HDAC7: variants seen among roughly 807,000 people sequenced by gnomAD.
HDAC7 encodes histone deacetylase 7, also known as histone deacetylase 7A.
A neutral mutation model predicts 115.5 loss-of-function variants in HDAC7; 26 were observed. That is an observed-to-expected ratio of 0.23 (90% confidence interval 0.16 to 0.31). The LOEUF (loss-of-function observed/expected upper bound fraction) is 0.31. Among genes scored for constraint, HDAC7 ranks in the 10% least tolerant of loss-of-function variants. The pLI is 1.00. For synonymous variants in HDAC7, 564 were observed against 550.9 expected (o/e 1.02, Z -0.33); for missense variants, 1,068 against 1,329.0 (o/e 0.80, Z 3.05).
intron 13 of HDAC7, 24 bp from the exon 14 acceptor site, chr12:47,792,028 G>T: frequency 1.3e-6 from 2 of 1,583,670 alleles, no homozygotes; most frequent in Non-Finnish European, 8.6e-7. Flanking sequence ...GGTCAGAGCG[G>T]GGACCCAGGG....
rs1257686226 is a variant in HDAC7, at chr12:47,802,280, G to T, written c.20-6C>A. 1.9e-6 allele frequency: 3 copies of T among 1,611,838 alleles called. No homozygotes were observed. The African/African-American group carries it at 4.0e-5, about 22-fold the overall frequency. ...CGGGCTCACCTGGGTCCCATCTGTA[G>T]AGAGAGAGACGGAGTGAAAGAGCTG... is the stretch of plus-strand genomic sequence containing the variant. On this transcript the variant is annotated splice_region_variant and splice_polypyrimidine_tract_variant and intron_variant, in intron 1 of 25. Transcript: ENST00000080059.
At position 47,793,531 on chromosome 12, in the gene HDAC7, C is replaced by A. The variant is rs922354026; in HGVS notation, c.1516G>T (p.Asp506Tyr). 1 of 1,548,008 alleles carries A rather than the reference C, an allele frequency of 6.5e-7. No homozygotes were observed. The highest frequency in any genetic ancestry group is 1.4e-5 in the African/African-American group (1 of 73,170). Residue 506 changes from aspartate (D) to tyrosine (Y), a missense_variant, in exon 13 of 26, where the codon GAC (aspartate) becomes TAC (tyrosine). Around this residue, in one of 6 missense-constraint regions of HDAC7, gnomAD observed 618 missense variants for 701.5 expected, o/e 0.88. Coordinates refer to ENST00000080059, the MANE Select transcript of HDAC7 (RefSeq NM_015401.5). The surrounding 1 kb of genome is among the most constrained non-coding windows in gnomAD (Gnocchi z 4.5). The part of the protein sequence containing the change: ...AGRLPRGSTG[D>Y]TVLLPLAQGG... ...TGGGCCAGAGGAAGCAGCACAGTGT[C>A]CCCGGTGCTGCCCCGGGGGAGCCGC...
intron 1 of HDAC7, among the ~76,000 whole-genome samples, chr12:47,806,459 C>T (rs937689433): frequency 2.0e-5 from 3 of 152,224 alleles, no homozygotes; most frequent in Non-Finnish European, 2.9e-5. Context: ...CTGGCCAAGG[C>T]GGGCAGATTA....
In HDAC7 at chr12:47,797,385, T is replaced by G. The variant is rs1943914737; in HGVS notation, c.576A>C (p.Thr192=). The G allele has an allele frequency of 6.2e-7, 1 of 1,605,980 alleles. No homozygotes were observed. The highest frequency in any genetic ancestry group is 8.5e-7 in the Non-Finnish European group (1 of 1,175,196). Residue 192 remains threonine (T), a splice_region_variant and synonymous_variant, in exon 6 of 26, where the codon ACA becomes ACC. Coordinates refer to ENST00000080059, the MANE Select transcript of HDAC7 (RefSeq NM_015401.5). This position sits in a 1 kb window ranked among gnomAD's most constrained non-coding sequence, Gnocchi z 5.5. ...GGTCCGCCTGTTTGTTCAGCTCACC[T>G]GTCTTGCGCAGAGGGAAGTGCTCTG... ...DPPEHFPLRK[T]VSEPNLKLRY...
chr12:47,804,369 TAGAG>T (rs1944300977), intron 1 of HDAC7, among the ~76,000 whole-genome samples: 1 of 152,036 alleles, frequency 6.6e-6, no homozygotes, highest in Admixed American at 6.6e-5. Flanking sequence ...CTTTGTGTCC[TAGAG>T]AGAGGAAAGG....
chr12:47,797,189 T>C lies in HDAC7; in HGVS notation c.578-47A>G. Reference sequence around the variant, plus strand: ...CTCAGGCCCCCACCACCCTTCTTTTTTCCACCCTTTAACCCCTCAGTCCCA... The same window carrying C: ...CTCAGGCCCCCACCACCCTTCTTTTCTCCACCCTTTAACCCCTCAGTCCCA... On this transcript the variant is annotated intron_variant, in intron 6 of 25. Coordinates refer to ENST00000080059, the MANE Select transcript of HDAC7 (RefSeq NM_015401.5). This position sits in a 1 kb window ranked among gnomAD's most constrained non-coding sequence, Gnocchi z 5.5. 6.4e-7 allele frequency: 1 copy of C among 1,558,584 alleles called. No homozygotes were observed. The highest frequency in any genetic ancestry group is 1.4e-5 in the African/African-American group (1 of 73,218).
At chr12:47,783,969 A>T in intron 25 of HDAC7, 83 bp from the exon 26 acceptor site, 4 of 1,604,368 alleles carry the variant, frequency 2.5e-6, no homozygotes, top group Non-Finnish European at 3.4e-6. Flanking sequence ...AACCCTGGTC[A>T]GGAAGCCTGG....
intron 24 of HDAC7, 182 bp from the exon 25 acceptor site, chr12:47,784,399 C>T (rs1943041216): frequency 3.0e-6 from 2 of 659,988 alleles, no homozygotes; most frequent in Admixed American, 3.0e-5. Flanking sequence ...CCCGCACAGC[C>T]TGACAGGGTA....
intron 1 of HDAC7, among the ~76,000 whole-genome samples, chr12:47,805,562 G>A (rs1350895080): frequency 6.6e-6 from 1 of 152,216 alleles, no homozygotes; most frequent in East Asian, 1.9e-4. Context: ...CATGGGGCTG[G>A]CAGAGAAGAT....
chr12:47,791,603 T>A lies in HDAC7; in HGVS notation c.1916A>T (p.Asp639Val). 1 of 1,610,388 alleles carries A rather than the reference T, an allele frequency of 6.2e-7. No homozygotes were observed. Among genetic ancestry groups the A allele is most frequent in the Non-Finnish European group, 8.5e-7 (1 of 1,178,294 alleles). ...GCCATTACCTGCCAGCTTCCCGTTG[T>A]CCAGTTTGAGGCGGCTGAGCGGGTT... ...GTNPLSRLKLDNGKLAGLLAQ... is the reference protein window; with the variant it reads ...GTNPLSRLKLVNGKLAGLLAQ... The change falls in exon 15 of 26, where the codon GAC (aspartate) becomes GTC (valine). Residue 639 changes from aspartate to valine, a missense_variant. Asp to Val is a radical substitution (Grantham distance 152). Around this residue, in one of 6 missense-constraint regions of HDAC7, gnomAD observed 618 missense variants for 701.5 expected, o/e 0.88. Coordinates refer to ENST00000080059, the MANE Select transcript of HDAC7 (RefSeq NM_015401.5).
At chr12:47,811,205 C>G (rs989343281) in intron 1 of HDAC7, among the ~76,000 whole-genome samples, 2 of 152,224 alleles carry the variant, frequency 1.3e-5, no homozygotes, top group African/African-American at 4.8e-5. Flanking sequence ...TTGCCTATTA[C>G]TTTGGAAGAC....
At chr12:47,791,812 C>A in intron 14 of HDAC7, 59 bp downstream of exon 14, 1 of 1,558,926 alleles carries the variant, frequency 6.4e-7, no homozygotes, top group East Asian at 2.3e-5. Flanking sequence ...CCCCCCACCC[C>A]TCCCCTCCCA....
rs1373869888 is a variant in HDAC7, at chr12:47,788,181, G to A, written c.2236-17C>T. 1.9e-6 allele frequency: 3 copies of A among 1,589,752 alleles called. No individual in the cohort carries two copies. Among genetic ancestry groups the A allele is most frequent in the Non-Finnish European group, 2.6e-6 (3 of 1,167,108 alleles). ...GTGCACGTCCTGTGTAGGGAGACGGGCAGCGATTAGGGAAGGCAGAGAGAT... is the reference window on the plus strand; with the variant it reads ...GTGCACGTCCTGTGTAGGGAGACGGACAGCGATTAGGGAAGGCAGAGAGAT... On this transcript the variant is annotated splice_polypyrimidine_tract_variant and intron_variant, in intron 19 of 25. Transcript: ENST00000080059.
At chr12:47,792,804 A>G (rs1943600587) in intron 13 of HDAC7, 1 of 397,320 alleles carries the variant, frequency 2.5e-6, no homozygotes, top group South Asian at 1.8e-5. Context: ...TGAGACTCTC[A>G]GTTTTAAAGA....
chr12:47,798,843 A>C lies in HDAC7; in HGVS notation c.200T>G (p.Leu67Arg). The change falls in exon 3 of 26, where the codon CTG (leucine) becomes CGG (arginine). Residue 67 changes from leucine to arginine, a missense_variant. Physicochemically the swap from Leu to Arg is moderately radical, Grantham distance 102. Transcript: ENST00000080059. This position sits in a 1 kb window ranked among gnomAD's most constrained non-coding sequence, Gnocchi z 4.3. ...GCCTGCTAGGAAGAGGTGGTGGTGC[A>C]GGCGCTGGGGACGCTGCAGGGCCAG... Reference protein sequence around the residue: ...TLLALQRPQRLHHHLFLAGLQ... With the variant: ...TLLALQRPQRRHHHLFLAGLQ... 6.4e-7 allele frequency: 1 copy of C among 1,559,992 alleles called. No homozygotes were observed. The highest frequency in any genetic ancestry group is 8.7e-7 in the Non-Finnish European group (1 of 1,151,828).
chr12:47,783,288 C>G lies in HDAC7; in HGVS notation c.*553G>C, dbSNP rs1330392756. 6.4e-6 allele frequency: 1 copy of G among 156,054 alleles called. No homozygotes were observed. Among genetic ancestry groups the G allele is most frequent in the East Asian group, 1.9e-4 (1 of 5,314 alleles). The allele number at this position is 156,054 out of a possible 1,614,324, so 9.7% of individuals were successfully genotyped here. On this transcript the variant is annotated 3_prime_UTR_variant, in exon 26 of 26. Transcript: ENST00000080059. ...CTGTCAGGGAGCTTCGTCTCAGTGC[C>G]CAGTGGTAGAGGGAAGCTTCCAGAG...
In HDAC7 at chr12:47,798,892, C is replaced by A; in HGVS notation, c.151G>T (p.Glu51Ter). 6.5e-7 allele frequency: 1 copy of A among 1,537,626 alleles called. No individual in the cohort carries two copies. Among genetic ancestry groups the A allele is most frequent in the Non-Finnish European group, 8.7e-7 (1 of 1,146,014 alleles). Residue 51 changes from glutamate to a stop codon, truncating the protein, a stop_gained, in exon 3 of 26, where the codon GAG becomes TAG. Transcript: ENST00000080059. LOFTEE classifies it high-confidence loss of function. This position sits in a 1 kb window ranked among gnomAD's most constrained non-coding sequence, Gnocchi z 4.3. ...DLRVGQRPPV[E>*]PPPEPTLLAL... ...AGCAATGTGGGCTCTGGTGGGGGCT[C>A]CACTGGGGGCCGCTGGCCCACCCGC...
intron 7 of HDAC7, 145 bp from the exon 8 acceptor site, chr12:47,796,443 A>ATTTTT: frequency 2.3e-6 from 1 of 428,906 alleles, no homozygotes; most frequent in Non-Finnish European, 4.1e-6. Flanking sequence ...TTTTTTTTTG[A>ATTTTT]GACAGAGTCT....
At chr12:47,791,778 C>T in intron 14 of HDAC7, 72 bp from the exon 15 acceptor site, 3 of 1,594,042 alleles carry the variant, frequency 1.9e-6, no homozygotes, top group Non-Finnish European at 2.6e-6. Context: ...CCCATGTGCC[C>T]CTCATCTCTC....
Sources: gnomAD v4.1 joint callset for allele counts (sites outside exome capture counted in the v4.1 genomes callset) on GRCh38, gnomAD v4.1.1 for gene constraint, gnomAD v4.1.1 regional missense constraint, Gnocchi (gnomAD v3.1) non-coding constraint, MANE v1.5 for transcripts, NCBI Gene and HGNC (gene_info 2026-07-23, HGNC 2026-07-21) for gene names.